SLC5A8: variants seen among roughly 807,000 people sequenced by gnomAD.
SLC5A8 encodes sodium-coupled monocarboxylate transporter 1.
In SLC5A8, 55 loss-of-function variants were observed where a neutral mutation model predicts 71.9. That is an observed-to-expected ratio of 0.77 (90% CI 0.62 to 0.96). The LOEUF is 0.96. Ranked by LOEUF, SLC5A8 falls within the 40% of genes least tolerant of loss-of-function variation. The probability of loss-of-function intolerance (pLI) is 0.00; values close to 1 mark genes in which losing one functional copy is unlikely to be tolerated. For synonymous variants in SLC5A8, 307 were observed against 276.1 expected (o/e 1.11, Z -1.11); for missense variants, 701 against 745.3 (o/e 0.94, Z 0.69).
chr12:101,161,110 C>T (rs1026262847), intron 13 of SLC5A8, among the ~76,000 whole-genome samples: 18 of 152,126 alleles, frequency 1.2e-4, no homozygotes, highest in Non-Finnish European at 2.4e-4. Context: ...CAGACATCCT[C>T]TCAGAAAAAA....
intron 13 of SLC5A8, 108 bp from the exon 14 acceptor site, chr12:101,158,436 A>T: frequency 1.4e-6 from 1 of 692,064 alleles, no homozygotes; most frequent in Non-Finnish European, 2.4e-6. Flanking sequence ...AACTCCATAC[A>T]TTCAAAAAAC....
intron 7 of SLC5A8, among the ~76,000 whole-genome samples, chr12:101,187,107 A>G (rs1593375613): frequency 6.6e-6 from 1 of 152,164 alleles, no homozygotes; most frequent in Non-Finnish European, 1.5e-5. Context: ...CAACAACAAA[A>G]AACTGTGTTC....
intron 10 of SLC5A8, among the ~76,000 whole-genome samples, chr12:101,171,537 A>G (rs1035949466): frequency 6.6e-6 from 1 of 152,224 alleles, no homozygotes; most frequent in South Asian, 2.1e-4. Flanking sequence ...GCCCTTGGAA[A>G]AACCTGGAAA....
At chr12:101,198,858 T>G (rs887814195) in intron 3 of SLC5A8, among the ~76,000 whole-genome samples, 3 of 151,938 alleles carry the variant, frequency 2.0e-5, no homozygotes, top group African/African-American at 7.2e-5. Flanking sequence ...GCAGGGTTTA[T>G]CCCAAGAATG....
chr12:101,192,451 G>T (rs1054554142), intron 5 of SLC5A8, among the ~76,000 whole-genome samples: 1 of 152,096 alleles, frequency 6.6e-6, no homozygotes, highest in African/African-American at 2.4e-5. Flanking sequence ...GCGGGGCTGC[G>T]ATCTCAAAGA....
At chr12:101,183,324 C>T (rs1266642388) in intron 8 of SLC5A8, among the ~76,000 whole-genome samples, 3 of 152,100 alleles carry the variant, frequency 2.0e-5, no homozygotes, top group Non-Finnish European at 4.4e-5. Flanking sequence ...GGATTACAGG[C>T]GTGAGCCACT....
chr12:101,202,147 G>A lies in SLC5A8; in HGVS notation c.469+17C>T, dbSNP rs986190084. The A allele has an allele frequency of 5.0e-6, 8 of 1,611,088 alleles. No homozygotes were observed. Among genetic ancestry groups the A allele is most frequent in the Middle Eastern group, 1.6e-4 (1 of 6,072 alleles). On this transcript the variant is annotated intron_variant, in intron 3 of 14. Coordinates refer to ENST00000536262, the MANE Select transcript of SLC5A8 (RefSeq NM_145913.5). The stretch of plus-strand genomic sequence containing the variant: ...CCCCAAAATGTGAGTTACCTAACTG[G>A]CAACTCTAAAATGTACCTTGATTCA...
At chr12:101,192,852 C>G (rs1868973116) in intron 5 of SLC5A8, among the ~76,000 whole-genome samples, 2 of 150,350 alleles carry the variant, frequency 1.3e-5, no homozygotes, top group African/African-American at 2.4e-5. Context: ...TTGCTTAAAA[C>G]AAAGAATTGT....
At chr12:101,207,359 T>A (rs1349102018) in intron 1 of SLC5A8, among the ~76,000 whole-genome samples, 1 of 152,234 alleles carries the variant, frequency 6.6e-6, no homozygotes, top group Non-Finnish European at 1.5e-5. Flanking sequence ...GTCCACAAAA[T>A]GGGGCTCTTG....
intron 3 of SLC5A8, among the ~76,000 whole-genome samples, chr12:101,200,602 G>C: frequency 6.6e-6 from 1 of 151,942 alleles, no homozygotes; most frequent in Admixed American, 6.6e-5. Flanking sequence ...ATGAAATTAA[G>C]AAATTAATAT....
chr12:101,172,404 C>T (rs751891900), intron 10 of SLC5A8, among the ~76,000 whole-genome samples: 7 of 152,020 alleles, frequency 4.6e-5, no homozygotes, highest in Non-Finnish European at 7.4e-5. Flanking sequence ...GATGACTGGA[C>T]GACATTGGTA....
intron 13 of SLC5A8, among the ~76,000 whole-genome samples, chr12:101,161,090 GA>G (rs2051719533): frequency 6.6e-6 from 1 of 152,078 alleles, no homozygotes; most frequent in South Asian, 2.1e-4. Flanking sequence ...TAGCAAGCTA[GA>G]AAAAAATTCA....
intron 6 of SLC5A8, among the ~76,000 whole-genome samples, chr12:101,187,932 C>G (rs1450243854): frequency 6.6e-6 from 1 of 152,234 alleles, no homozygotes; most frequent in Non-Finnish European, 1.5e-5. Context: ...AACATTTACA[C>G]AGTAACTCAT....
At chr12:101,161,085 A>G (rs2051719471) in intron 13 of SLC5A8, among the ~76,000 whole-genome samples, 1 of 152,232 alleles carries the variant, frequency 6.6e-6, no homozygotes, top group Non-Finnish European at 1.5e-5. Context: ...CAACATAGCA[A>G]GCTAGAAAAA....
At chr12:101,170,827 A>C (rs909343678) in intron 10 of SLC5A8, among the ~76,000 whole-genome samples, 5 of 152,152 alleles carry the variant, frequency 3.3e-5, no homozygotes, top group Non-Finnish European at 5.9e-5. Context: ...ATGGCCCAGC[A>C]GTGACAAAGC....
In SLC5A8 at chr12:101,157,104, C is replaced by T. The variant is rs1258106973; in HGVS notation, c.*175G>A. ...GCCAGAATTCTAAACTCCAGAGTAA[C>T]ATCAATTAATGATGTAGTAAATGAA... On this transcript the variant is annotated 3_prime_UTR_variant, in exon 15 of 15. Transcript: ENST00000536262. 1.5e-5 allele frequency: 9 copies of T among 604,164 alleles called. No homozygotes were observed. The highest frequency in any genetic ancestry group is 2.5e-5 in the Non-Finnish European group (9 of 367,330). 37.4% of individuals were successfully genotyped at this position (604,164 alleles called of 1,614,324 possible).
intron 12 of SLC5A8, among the ~76,000 whole-genome samples, chr12:101,164,125 A>G (rs1374939742): frequency 6.6e-6 from 1 of 152,244 alleles, no homozygotes; most frequent in Admixed American, 6.5e-5. Flanking sequence ...GAAATAAATT[A>G]AAATTAAGAA....
intron 12 of SLC5A8, 102 bp downstream of exon 12, chr12:101,166,392 A>C: frequency 1.1e-6 from 1 of 941,792 alleles, no homozygotes; most frequent in Non-Finnish European, 1.5e-6. Context: ...TTTCAGAATT[A>C]GGCAAAATCA....
chr12:101,200,049 AAAAAAG>A lies in SLC5A8; in HGVS notation c.469+2109_469+2114del, dbSNP rs1269338000. On this transcript the variant is annotated intron_variant, in intron 3 of 14. Coordinates refer to ENST00000536262, the MANE Select transcript of SLC5A8 (RefSeq NM_145913.5). ...AAAAAAAAAAAAAAAAAAAAAAAAA[AAAAAAG>A]GGAATGAACTACTGATATATATGTA... is the stretch of plus-strand genomic sequence containing the variant. 5.4e-4 allele frequency among the ~76,000 whole-genome samples: 44 copies of A among 81,998 alleles called. 9 individuals are homozygous for A. The highest frequency in any genetic ancestry group is 1.8e-3 in the South Asian group (4 of 2,194). 53.8% of individuals were successfully genotyped at this position (81,998 alleles called of 152,430 possible).
Sources: gnomAD v4.1 joint callset for allele counts (sites outside exome capture counted in the v4.1 genomes callset) on GRCh38, gnomAD v4.1.1 for gene constraint, MANE v1.5 for transcripts, NCBI Gene and HGNC (gene_info 2026-07-23, HGNC 2026-07-21) for gene names.